The following DGKB variants were observed in gnomAD, a reference collection of about 807,000 sequenced individuals.
DGKB encodes 90 kDa diacylglycerol kinase.
DGKB carries 67 observed loss-of-function variants against 114.3 expected under a neutral mutation model. The observed-to-expected ratio is 0.59, with a 90% CI of 0.48 to 0.72. DGKB has a LOEUF of 0.72. Among genes scored for constraint, DGKB ranks in the 30% least tolerant of loss-of-function variants. The pLI is 0.00. For synonymous variants in DGKB, 398 were observed against 323.1 expected (o/e 1.23, Z -2.49); for missense variants, 907 against 975.2 (o/e 0.93, Z 0.93).
At chr7:14,494,589 C>T (rs1785041608) in intron 20 of DGKB, among the ~76,000 whole-genome samples, 1 of 151,804 alleles carries the variant, frequency 6.6e-6, no homozygotes, top group Admixed American at 6.6e-5. Context: ...GAATGATAAC[C>T]ACCTTAAATT....
At chr7:14,612,080 T>C (rs1168369713) in intron 16 of DGKB, among the ~76,000 whole-genome samples, 1 of 151,746 alleles carries the variant, frequency 6.6e-6, no homozygotes. Context: ...TAAAACATTA[T>C]TTAAAATAAT....
At chr7:14,205,478 A>C (rs572946610) in intron 23 of DGKB, among the ~76,000 whole-genome samples, 51 of 152,046 alleles carry the variant, frequency 3.4e-4, no homozygotes, top group African/African-American at 1.2e-3. Context: ...CAGAGGGTTG[A>C]ATCTGGTTCA....
At chr7:14,279,354 G>A (rs575482089) in intron 23 of DGKB, among the ~76,000 whole-genome samples, 2 of 152,282 alleles carry the variant, frequency 1.3e-5, no homozygotes, top group East Asian at 3.9e-4. Flanking sequence ...AAGCAACTGG[G>A]AAGCTCCAAC....
chr7:14,656,753 T>TATAC (rs139391597), intron 13 of DGKB, among the ~76,000 whole-genome samples: 5 of 149,230 alleles, frequency 3.4e-5, no homozygotes, highest in African/African-American at 1.2e-4. Context: ...ATAGGATATA[T>TATAC]ACACACACAC....
intron 16 of DGKB, among the ~76,000 whole-genome samples, chr7:14,611,620 C>T (rs986282119): frequency 6.6e-6 from 1 of 152,016 alleles, no homozygotes; most frequent in Non-Finnish European, 1.5e-5. Flanking sequence ...AAGAACAAAA[C>T]ACACGTGGAT....
At chr7:14,516,664 G>T (rs1008204159) in intron 20 of DGKB, among the ~76,000 whole-genome samples, 2 of 151,944 alleles carry the variant, frequency 1.3e-5, no homozygotes, top group Non-Finnish European at 2.9e-5. Context: ...TTCTTGATTT[G>T]GCTTCAGCTT....
intron 23 of DGKB, among the ~76,000 whole-genome samples, chr7:14,332,301 A>G (rs186800414): frequency 8.5e-5 from 13 of 152,316 alleles, no homozygotes; most frequent in African/African-American, 3.1e-4. Flanking sequence ...TTACTTGCCC[A>G]AAGTTGTCCA....
intron 14 of DGKB, among the ~76,000 whole-genome samples, chr7:14,623,692 A>G (rs1210839497): frequency 6.6e-6 from 1 of 152,190 alleles, no homozygotes. Context: ...CTGAAATTCA[A>G]GTCGTTTGGA....
chr7:14,652,533 A>C (rs1814780745), intron 13 of DGKB, among the ~76,000 whole-genome samples: 1 of 152,036 alleles, frequency 6.6e-6, no homozygotes, highest in Non-Finnish European at 1.5e-5. Flanking sequence ...GTTAGACCTA[A>C]AACCATAAAA....
chr7:14,366,672 C>G (rs183884981), intron 21 of DGKB, among the ~76,000 whole-genome samples: 9 of 152,174 alleles, frequency 5.9e-5, no homozygotes, highest in Admixed American at 5.2e-4. Flanking sequence ...AATCGATTCT[C>G]AATTCAACAC....
At chr7:14,822,846 A>T (rs1845133272) in intron 2 of DGKB, among the ~76,000 whole-genome samples, 1 of 152,066 alleles carries the variant, frequency 6.6e-6, no homozygotes, top group South Asian at 2.1e-4. Flanking sequence ...CAAATTAAAG[A>T]CTTGAACTTC....
intron 1 of DGKB, among the ~76,000 whole-genome samples, chr7:14,856,485 T>G (rs886257305): frequency 2.6e-5 from 4 of 152,144 alleles, no homozygotes; most frequent in Admixed American, 2.0e-4. Flanking sequence ...GAAATATATA[T>G]AGTATCCACA....
intron 21 of DGKB, among the ~76,000 whole-genome samples, chr7:14,444,403 G>T (rs558636560): frequency 1.3e-5 from 2 of 151,636 alleles, no homozygotes; most frequent in Admixed American, 1.3e-4. Context: ...ATGACAAAAT[G>T]ATAAACTATG....
chr7:14,962,679 T>C (rs1429706359), intron 1 of DGKB, among the ~76,000 whole-genome samples: 1 of 151,206 alleles, frequency 6.6e-6, no homozygotes, highest in African/African-American at 2.4e-5. Context: ...TAAGCACGTA[T>C]ACAGGCAAAT....
chr7:14,670,247 G>A (rs1010995214), intron 13 of DGKB, among the ~76,000 whole-genome samples: 5 of 151,320 alleles, frequency 3.3e-5, no homozygotes, highest in Admixed American at 6.6e-5. Flanking sequence ...TGTGTTAAGA[G>A]CACCTAGTCT....
chr7:14,807,403 T>A (rs1842908447), intron 2 of DGKB, among the ~76,000 whole-genome samples: 1 of 152,046 alleles, frequency 6.6e-6, no homozygotes, highest in African/African-American at 2.4e-5. Context: ...ACTGTAGTTA[T>A]TAAGTAAAAT....
At chr7:14,579,603 G>T (rs1002269645) in intron 19 of DGKB, among the ~76,000 whole-genome samples, 1 of 152,040 alleles carries the variant, frequency 6.6e-6, no homozygotes, top group African/African-American at 2.4e-5. Context: ...TCTTTAGATT[G>T]CATGAACTCT....
chr7:14,761,836 C>T (rs1157707026), intron 2 of DGKB, among the ~76,000 whole-genome samples: 1 of 152,064 alleles, frequency 6.6e-6, no homozygotes, highest in Non-Finnish European at 1.5e-5. Flanking sequence ...GCTAGGCAGC[C>T]CAGTGCTGAG....
chr7:14,563,954 C>G (rs548920143), intron 20 of DGKB, among the ~76,000 whole-genome samples: 12 of 152,246 alleles, frequency 7.9e-5, no homozygotes, highest in Admixed American at 2.0e-4. Context: ...CTAGCACAAG[C>G]CACCATTTCT....
Sources: gnomAD v4.1 joint callset for allele counts (sites outside exome capture counted in the v4.1 genomes callset) on GRCh38, gnomAD v4.1.1 for gene constraint, MANE v1.5 for transcripts, NCBI Gene and HGNC (gene_info 2026-07-23, HGNC 2026-07-21) for gene names.